Variants in RAD51B observed in about 807,000 individuals in gnomAD.
RAD51B encodes RAD51 paralog B, also known as DNA repair protein RAD51 homolog 2.
A neutral mutation model predicts 42.2 loss-of-function variants in RAD51B; 38 were observed. The ratio of observed to expected loss-of-function variants is 0.90; its 90% CI spans 0.70 to 1.18. The LOEUF is 1.18. Ranked by LOEUF, RAD51B falls within the 50% of genes most tolerant of loss-of-function variation. The pLI, the probability that RAD51B is intolerant of heterozygous loss-of-function variation, is 0.00. For missense variants in RAD51B, 373 were observed against 400.7 expected, an observed-to-expected ratio of 0.93 and a Z score of 0.59; for synonymous variants, 154 against 145.2, an observed-to-expected ratio of 1.06 and a Z score of -0.43.
At chr14:68,672,107 G>GA (rs960281418) in intron 11 of RAD51B, among the ~76,000 whole-genome samples, 2 of 152,184 alleles carry the variant, frequency 1.3e-5, no homozygotes, top group African/African-American at 4.8e-5. Context: ...TGACATGTTT[G>GA]AAGCTGTGAG....
At chr14:68,457,804 A>G (rs1211362813) in intron 9 of RAD51B, among the ~76,000 whole-genome samples, 13 of 144,148 alleles carry the variant, frequency 9.0e-5, no homozygotes, top group East Asian at 2.0e-4. Flanking sequence ...TAGTAGAGAC[A>G]GGGTTTCACT....
rs1454190742 is a variant in RAD51B at position 68,565,416 on chromosome 14, C to T, written c.1037-29069C>T. On this transcript the variant is annotated intron_variant, in intron 10 of 10. Coordinates refer to the RAD51B transcript ENST00000487270. The surrounding 1 kb of genome is among the most constrained non-coding windows in gnomAD (Gnocchi z 4.1). ...CCTGGGGCACTTGGGATCTGGCTCT[C>T]TCAGAGCCAAGCCTTTCTGTTTGGA... Among the ~76,000 whole-genome samples, 5 of 152,160 alleles carry T rather than the reference C, an allele frequency of 3.3e-5. No individual in the cohort carries two copies. The highest frequency in any genetic ancestry group is 6.5e-5 in the Admixed American group (1 of 15,282).
chr14:68,032,126 GATA>G (rs1249833610), intron 7 of RAD51B, among the ~76,000 whole-genome samples: 2 of 152,136 alleles, frequency 1.3e-5, no homozygotes, highest in Non-Finnish European at 2.9e-5. Flanking sequence ...GTGTGTTGAA[GATA>G]ATAATACCTA....
chr14:68,221,434 G>A (rs1436812264), intron 7 of RAD51B, among the ~76,000 whole-genome samples: 1 of 152,126 alleles, frequency 6.6e-6, no homozygotes, highest in East Asian at 1.9e-4. Flanking sequence ...AAAACATAAA[G>A]TGGGAAAAGG....
At chr14:68,175,380 A>C (rs2078944412) in intron 7 of RAD51B, among the ~76,000 whole-genome samples, 1 of 152,172 alleles carries the variant, frequency 6.6e-6, no homozygotes, top group South Asian at 2.1e-4. Flanking sequence ...CATTTTATTC[A>C]TTGTAGGCAG....
chr14:68,319,151 T>C (rs2082114381), intron 8 of RAD51B, among the ~76,000 whole-genome samples: 1 of 152,136 alleles, frequency 6.6e-6, no homozygotes, highest in Admixed American at 6.6e-5. Context: ...GGAGTTTTTG[T>C]TGTTGTTGTT....
rs774360651 is a variant in RAD51B, at chr14:68,442,435, C to CTTT, written c.958-25714_958-25712dup. Among the ~76,000 whole-genome samples the CTTT allele has an allele frequency of 4.5e-3, 311 of 68,424 alleles. 31 individuals carry two copies. Among genetic ancestry groups the CTTT allele is most frequent in the South Asian group, 0.012 (18 of 1,490 alleles). The allele number at this position is 68,424 out of a possible 152,430, so 44.9% of individuals were successfully genotyped here. A position where few individuals can be genotyped will look rare whatever the true frequency, so the allele number is the denominator to read the frequency against. ...TGCCTACTATGTAGTAGGCATTGTG[C>CTTT]TTTTTTTTTTTTTTTTTTTTTTTTT... On this transcript the variant is annotated intron_variant, in intron 9 of 10. Coordinates refer to ENST00000471583, the MANE Select transcript of RAD51B (RefSeq NM_133510.4).
At chr14:68,383,923 G>A (rs2083536081) in intron 8 of RAD51B, among the ~76,000 whole-genome samples, 1 of 152,212 alleles carries the variant, frequency 6.6e-6, no homozygotes, top group Non-Finnish European at 1.5e-5. Context: ...ACTACTATGT[G>A]TCAATCCCAA....
chr14:67,931,180 C>G (rs1305644793), intron 7 of RAD51B, among the ~76,000 whole-genome samples: 1 of 152,140 alleles, frequency 6.6e-6, no homozygotes, highest in Non-Finnish European at 1.5e-5. Flanking sequence ...CTTGGCCTCC[C>G]AAAGTGCTGG....
intron 9 of RAD51B, among the ~76,000 whole-genome samples, chr14:68,467,899 A>G (rs1437104601): frequency 6.6e-6 from 1 of 152,250 alleles, no homozygotes. Flanking sequence ...CATGTGTTAT[A>G]AAATAATGAG....
At chr14:67,870,024 C>T (rs1241834307) in intron 5 of RAD51B, among the ~76,000 whole-genome samples, 1 of 151,284 alleles carries the variant, frequency 6.6e-6, no homozygotes, top group Admixed American at 6.6e-5. Context: ...GAAACTGCAT[C>T]AACTAATGAG....
intron 8 of RAD51B, among the ~76,000 whole-genome samples, chr14:68,388,074 GTGTGTA>G (rs1260640951): frequency 8.4e-6 from 1 of 118,668 alleles, no homozygotes; most frequent in African/African-American, 3.7e-5. Context: ...GTGTGTGTGT[GTGTGTA>G]TATATATATA....
chr14:68,585,463 T>C (rs1890415879), intron 10 of RAD51B, among the ~76,000 whole-genome samples: 1 of 152,112 alleles, frequency 6.6e-6, no homozygotes, highest in African/African-American at 2.4e-5. Flanking sequence ...GGGAGGCTGA[T>C]GGGCTAAACA....
intron 7 of RAD51B, among the ~76,000 whole-genome samples, chr14:68,267,476 C>G (rs1351831308): frequency 1.3e-5 from 2 of 151,988 alleles, no homozygotes; most frequent in Non-Finnish European, 2.9e-5. Flanking sequence ...AAGAATTAGT[C>G]TTCTAGAATT....
At chr14:68,058,610 G>C (rs1321318064) in intron 7 of RAD51B, among the ~76,000 whole-genome samples, 1 of 151,954 alleles carries the variant, frequency 6.6e-6, no homozygotes, top group Non-Finnish European at 1.5e-5. Context: ...ATTTTTTAAG[G>C]TTGTATAGTA....
At chr14:68,122,702 G>C (rs1254139042) in intron 7 of RAD51B, among the ~76,000 whole-genome samples, 3 of 152,096 alleles carry the variant, frequency 2.0e-5, no homozygotes, top group Admixed American at 6.6e-5. Flanking sequence ...CTACATTTGT[G>C]TTTTTCATTT....
chr14:68,456,636 G>A (rs1290327925), intron 9 of RAD51B, among the ~76,000 whole-genome samples: 1 of 152,070 alleles, frequency 6.6e-6, no homozygotes, highest in Admixed American at 6.6e-5. Flanking sequence ...GATAATAGCT[G>A]GAGGCTTCAA....
intron 3 of RAD51B, among the ~76,000 whole-genome samples, chr14:67,831,867 G>A (rs976664685): frequency 6.6e-6 from 1 of 151,830 alleles, no homozygotes; most frequent in Non-Finnish European, 1.5e-5. Context: ...TTGACTTACC[G>A]AATCTATTAT....
chr14:68,420,662 C>G (rs2084675902), intron 9 of RAD51B, among the ~76,000 whole-genome samples: 1 of 152,192 alleles, frequency 6.6e-6, no homozygotes, highest in African/African-American at 2.4e-5. Context: ...CACCAGAGAT[C>G]ATGTTCATCA....
Sources: allele counts gnomAD v4.1 joint callset (sites outside exome capture counted in the v4.1 genomes callset), GRCh38; gene constraint gnomAD v4.1.1; non-coding constraint Gnocchi (gnomAD v3.1); transcripts MANE v1.5; gene names NCBI Gene and HGNC (gene_info 2026-07-23, HGNC 2026-07-21).